DLC1: variants seen among roughly 807,000 people sequenced by gnomAD.
DLC1 encodes DLC1 Rho GTPase activating protein.
In DLC1, 54 loss-of-function variants were observed where a neutral mutation model predicts 140.3. That is an observed-to-expected ratio of 0.38 (90% CI 0.31 to 0.48). The LOEUF is 0.48. Among genes scored for constraint, DLC1 ranks in the 20% least tolerant of loss-of-function variants. The pLI, the probability that DLC1 is intolerant of heterozygous loss-of-function variation, is 0.96. For missense variants in DLC1, 2,536 were observed against 1,907.0 expected (o/e 1.33, Z -6.14); for synonymous variants, 986 against 728.1 (o/e 1.35, Z -5.70).
chr8:13,124,230 G>T (rs1821366257), intron 5 of DLC1, among the ~76,000 whole-genome samples: 1 of 152,190 alleles, frequency 6.6e-6, no homozygotes, highest in African/African-American at 2.4e-5. Context: ...AGTGGGAGGG[G>T]TGTCCCTTCT....
At position 13,552,111 on chromosome 8, in the gene DLC1, G is replaced by GTGTATATATATATATA. The variant is rs1279225632; in HGVS notation, c.-125-51916_-125-51915insTATATATATATATACA. Among the ~76,000 whole-genome samples the GTGTATATATATATATA allele has an allele frequency of 2.3e-3, 123 of 54,516 alleles. 2 individuals carry two copies. The highest frequency in any genetic ancestry group is 3.4e-3 in the Non-Finnish European group (103 of 30,118). The allele number at this position is 54,516 out of a possible 152,430, so 35.8% of individuals were successfully genotyped here. A position where few individuals can be genotyped will look rare whatever the true frequency, so the allele number is the denominator to read the frequency against. ...TATATGTATGTACCTGTCTAGAGGT[G>GTGTATATATATATATA]TATATATATATATATATATATATAT... is the stretch of plus-strand genomic sequence containing the variant. On this transcript the variant is annotated intron_variant, in intron 1 of 1. Coordinates refer to the DLC1 transcript ENST00000631382.
chr8:13,163,279 C>T (rs1244165775), intron 5 of DLC1, among the ~76,000 whole-genome samples: 1 of 152,114 alleles, frequency 6.6e-6, no homozygotes, highest in Non-Finnish European at 1.5e-5. Flanking sequence ...GCACTCAGTA[C>T]TGGATTGTTT....
chr8:13,329,781 A>G (rs1833509804), intron 4 of DLC1, among the ~76,000 whole-genome samples: 2 of 152,154 alleles, frequency 1.3e-5, no homozygotes, highest in African/African-American at 4.8e-5. Context: ...TAAGAACAGG[A>G]GCTGTGTATG....
At chr8:13,179,286 G>A (rs977597203) in intron 5 of DLC1, among the ~76,000 whole-genome samples, 4 of 151,978 alleles carry the variant, frequency 2.6e-5, no homozygotes, top group Non-Finnish European at 5.9e-5. Context: ...GGTGGGGCAG[G>A]AAGGGATCGT....
At chr8:13,598,287 GC>G (rs1156408996) in intron 1 of DLC1, among the ~76,000 whole-genome samples, 2 of 151,956 alleles carry the variant, frequency 1.3e-5, no homozygotes, top group Non-Finnish European at 2.9e-5. Flanking sequence ...CTTGCTGCTA[GC>G]CAGAGGCTTC....
intron 1 of DLC1, among the ~76,000 whole-genome samples, chr8:13,599,494 C>A (rs986822028): frequency 2.6e-5 from 4 of 151,886 alleles, no homozygotes; most frequent in African/African-American, 9.7e-5. Flanking sequence ...AATAAAAAGA[C>A]AGAGTGCCCT....
intron 5 of DLC1, among the ~76,000 whole-genome samples, chr8:13,247,812 G>C (rs1413536996): frequency 1.3e-5 from 2 of 152,176 alleles, no homozygotes; most frequent in Non-Finnish European, 2.9e-5. Flanking sequence ...CGTGCTACAA[G>C]AATTTCCTAA....
At chr8:13,417,480 T>A (rs10100526) in intron 2 of DLC1, among the ~76,000 whole-genome samples, 3 of 150,286 alleles carry the variant, frequency 2.0e-5, no homozygotes, top group South Asian at 4.2e-4. Flanking sequence ...TTGTCCTTGC[T>A]ATAGTTTACT....
At chr8:13,552,139 A>ATATATATATC (rs1260514268) in intron 1 of DLC1, among the ~76,000 whole-genome samples, 1 of 132,638 alleles carries the variant, frequency 7.5e-6, no homozygotes, top group South Asian at 2.4e-4. Flanking sequence ...ATATATATAT[A>ATATATATATC]TATCTGTCTA....
chr8:13,487,013 G>C (rs1447335512), intron 2 of DLC1, among the ~76,000 whole-genome samples: 2 of 152,130 alleles, frequency 1.3e-5, no homozygotes, highest in Non-Finnish European at 2.9e-5. Flanking sequence ...GATGGGGTGA[G>C]GCAAATTATC....
intron 5 of DLC1, among the ~76,000 whole-genome samples, chr8:13,190,606 T>C (rs1225937832): frequency 2.6e-5 from 4 of 152,166 alleles, no homozygotes; most frequent in African/African-American, 9.7e-5. Flanking sequence ...TAGCAAATAA[T>C]GAATTTGCAG....
intron 1 of DLC1, among the ~76,000 whole-genome samples, chr8:13,523,449 A>T (rs1802819168): frequency 6.6e-6 from 1 of 152,182 alleles, no homozygotes; most frequent in Non-Finnish European, 1.5e-5. Context: ...TGTGTTTGAG[A>T]TGTCTATTAG....
intron 4 of DLC1, among the ~76,000 whole-genome samples, chr8:13,315,538 A>T (rs1832832259): frequency 6.6e-6 from 1 of 152,208 alleles, no homozygotes. Flanking sequence ...GTTAATTTAG[A>T]GATGAACTTG....
At chr8:13,465,490 C>G (rs1799889411) in intron 2 of DLC1, among the ~76,000 whole-genome samples, 1 of 152,056 alleles carries the variant, frequency 6.6e-6, no homozygotes, top group Non-Finnish European at 1.5e-5. Context: ...TCTCTGATTT[C>G]AAGAGTTTGA....
chr8:13,511,712 T>G (rs1047693880), intron 1 of DLC1, among the ~76,000 whole-genome samples: 1 of 152,148 alleles, frequency 6.6e-6, no homozygotes, highest in Non-Finnish European at 1.5e-5. Context: ...CCTCTTCCAA[T>G]TCTCATGTGC....
In DLC1 at chr8:13,185,528, C is replaced by T. The variant is rs184544732; in HGVS notation, c.1349-69871G>A. On this transcript the variant is annotated intron_variant, in intron 5 of 17. Transcript: ENST00000276297. Reference sequence around the variant, plus strand: ...TTCACTGTGTTAGCCAGGATGATCTCGACCTCCTGACCTTGTGATCTGCTC... The same window carrying T: ...TTCACTGTGTTAGCCAGGATGATCTTGACCTCCTGACCTTGTGATCTGCTC... Among the ~76,000 whole-genome samples the T allele has an allele frequency of 1.1e-3, 166 of 152,120 alleles. 1 individual carries two copies. Among genetic ancestry groups the T allele is most frequent in the South Asian group, 1.9e-3 (9 of 4,800 alleles).
At chr8:13,245,841 C>G (rs1316649443) in intron 5 of DLC1, among the ~76,000 whole-genome samples, 1 of 152,026 alleles carries the variant, frequency 6.6e-6, no homozygotes, top group African/African-American at 2.4e-5. Flanking sequence ...GCTGGGATTA[C>G]AGGTGCCCAC....
At chr8:13,227,783 T>C (rs913420352) in intron 5 of DLC1, among the ~76,000 whole-genome samples, 3 of 152,218 alleles carry the variant, frequency 2.0e-5, no homozygotes, top group Non-Finnish European at 4.4e-5. Flanking sequence ...ACATAGACAC[T>C]TGTTTTACTT....
chr8:13,216,489 C>T (rs1005051131), intron 5 of DLC1, among the ~76,000 whole-genome samples: 4 of 152,268 alleles, frequency 2.6e-5, no homozygotes, highest in African/African-American at 9.6e-5. Context: ...CCTTGCCACA[C>T]TCCTCCCCAA....
Sources: allele counts gnomAD v4.1 joint callset (sites outside exome capture counted in the v4.1 genomes callset), GRCh38; gene constraint gnomAD v4.1.1; transcripts MANE v1.5; gene names NCBI Gene and HGNC (gene_info 2026-07-23, HGNC 2026-07-21).